The following MARCHF1 variants were observed in gnomAD, a reference collection of about 807,000 sequenced individuals.
MARCHF1 encodes E3 ubiquitin-protein ligase MARCHF1.
MARCHF1 carries 40 observed loss-of-function variants against 54.2 expected under a neutral mutation model. The ratio of observed to expected loss-of-function variants is 0.74; its 90% CI spans 0.57 to 0.96. The LOEUF (loss-of-function observed/expected upper bound fraction) is 0.96. Ranked by LOEUF, MARCHF1 falls within the 40% of genes least tolerant of loss-of-function variation. The probability of loss-of-function intolerance (pLI) is 0.00; values close to 1 mark genes in which losing one functional copy is unlikely to be tolerated. For missense variants in MARCHF1, 586 were observed against 656.5 expected, an observed-to-expected ratio of 0.89 and a Z score of 1.17; for synonymous variants, 236 against 236.3, an observed-to-expected ratio of 1.00 and a Z score of 0.01.
At position 164,079,807 on chromosome 4, in the gene MARCHF1, G is replaced by A. The variant is rs145294882; in HGVS notation, c.-248+31781C>T. Among the ~76,000 whole-genome samples the A allele has an allele frequency of 5.1e-3, 780 of 152,048 alleles. 5 individuals carry two copies. The highest frequency in any genetic ancestry group is 7.6e-3 in the Non-Finnish European group (518 of 67,962). ...TTTCACAACACACATTCTAAAAGACGTAGTTATTTGCATTTTAAGTAGCAT... is the reference window on the plus strand; with the variant it reads ...TTTCACAACACACATTCTAAAAGACATAGTTATTTGCATTTTAAGTAGCAT... On this transcript the variant is annotated intron_variant, in intron 2 of 9. Transcript: ENST00000514618.
At chr4:163,845,270 G>T (rs1487395594) in intron 4 of MARCHF1, among the ~76,000 whole-genome samples, 1 of 151,920 alleles carries the variant, frequency 6.6e-6, no homozygotes, top group East Asian at 1.9e-4. Context: ...TATTCTAACA[G>T]GTCCCATTTA....
rs577238812 is a variant in MARCHF1 at position 163,826,688 on chromosome 4, A to G, written c.111+27333T>C. On this transcript the variant is annotated intron_variant, in intron 4 of 9. Coordinates refer to ENST00000514618, the MANE Select transcript of MARCHF1 (RefSeq NM_001394959.1). ...TATATTAATTAAATGATTATAAAAT[A>G]TGATGAATGCTGTAAGGAAACAAGT... 4.3e-4 allele frequency among the ~76,000 whole-genome samples: 66 copies of G among 152,214 alleles called. 1 individual carries two copies. The highest frequency in any genetic ancestry group is 7.4e-5 in the Non-Finnish European group (5 of 67,960).
rs998478455 is a variant in MARCHF1 at position 163,527,016 on chromosome 4, G to T, written c.*1732C>A. 6.6e-6 allele frequency: 1 copy of T among 151,372 alleles called. No homozygotes were observed. The highest frequency in any genetic ancestry group is 1.5e-5 in the Non-Finnish European group (1 of 67,802). 9.4% of individuals were successfully genotyped at this position (151,372 alleles called of 1,614,324 possible). The stretch of plus-strand genomic sequence containing the variant: ...GAACAAGCACACTGATAATTACAAA[G>T]TGCATCCATGTGATACCCAGATTTG... On this transcript the variant is annotated 3_prime_UTR_variant, in exon 10 of 10. Transcript: ENST00000514618.
chr4:164,329,414 AG>A (rs748360607), intron 1 of MARCHF1, among the ~76,000 whole-genome samples: 5 of 152,222 alleles, frequency 3.3e-5, no homozygotes, highest in Non-Finnish European at 7.3e-5. Context: ...AGAAAGAAAA[AG>A]GAGAAAGAAT....
At chr4:163,545,925 G>A (rs1241547685) in intron 8 of MARCHF1, among the ~76,000 whole-genome samples, 182 bp from the exon 9 acceptor site, 1 of 151,324 alleles carries the variant, frequency 6.6e-6, no homozygotes, top group Non-Finnish European at 1.5e-5. Flanking sequence ...AACCTAGAGA[G>A]TTACATATAA....
At chr4:163,803,330 C>T (rs1042724517) in intron 4 of MARCHF1, among the ~76,000 whole-genome samples, 4 of 152,088 alleles carry the variant, frequency 2.6e-5, no homozygotes, top group Admixed American at 1.3e-4. Flanking sequence ...TGCGCCACCA[C>T]GCCTGGCTAA....
intron 2 of MARCHF1, among the ~76,000 whole-genome samples, chr4:164,069,020 G>T (rs1754794567): frequency 6.6e-6 from 1 of 152,092 alleles, no homozygotes; most frequent in Non-Finnish European, 1.5e-5. Flanking sequence ...TCTAGCTAAG[G>T]GATTGTGAAT....
intron 1 of MARCHF1, among the ~76,000 whole-genome samples, chr4:164,272,471 T>C (rs1733767095): frequency 6.6e-6 from 1 of 152,124 alleles, no homozygotes; most frequent in Non-Finnish European, 1.5e-5. Flanking sequence ...TGAATGTAAG[T>C]GTCAGCAAAA....
At chr4:164,372,119 A>G (rs1731053559) in intron 1 of MARCHF1, among the ~76,000 whole-genome samples, 1 of 152,236 alleles carries the variant, frequency 6.6e-6, no homozygotes, top group Non-Finnish European at 1.5e-5. Context: ...CACTCAAATG[A>G]TGATCAATGT....
chr4:163,997,011 T>C lies in MARCHF1; in HGVS notation c.-247-8302A>G, dbSNP rs547616509. Among the ~76,000 whole-genome samples the C allele has an allele frequency of 3.3e-5, 5 of 152,148 alleles. No homozygotes were observed. The South Asian group carries it at 1.0e-3, about 32-fold the overall frequency. On this transcript the variant is annotated intron_variant, in intron 2 of 9. Coordinates refer to ENST00000514618, the MANE Select transcript of MARCHF1 (RefSeq NM_001394959.1). ...CTTTGTTACAGCAGTCTTAGGAAAC[T>C]AAAACACTTCCACAGACAGGTCCAT...
chr4:163,671,450 T>A (rs1579180304), intron 5 of MARCHF1, among the ~76,000 whole-genome samples: 1 of 152,198 alleles, frequency 6.6e-6, no homozygotes, highest in African/African-American at 2.4e-5. Context: ...ATAATAGTTA[T>A]CCGACTTACT....
chr4:163,901,504 A>G (rs900435761), intron 3 of MARCHF1, among the ~76,000 whole-genome samples: 2 of 152,158 alleles, frequency 1.3e-5, no homozygotes, highest in Non-Finnish European at 2.9e-5. Flanking sequence ...TAGGGGTAGG[A>G]GCAGCCTTCT....
chr4:163,621,070 CATA>C lies in MARCHF1; in HGVS notation c.163-7680_163-7678del, dbSNP rs367818296. ...TAAATGTAGTCAATAATAACATCCACATAAAAGGATTGTGAGGATAATAACATG... is the reference window on the plus strand; with the variant it reads ...TAAATGTAGTCAATAATAACATCCACAAAGGATTGTGAGGATAATAACATG... On this transcript the variant is annotated intron_variant, in intron 5 of 9. Transcript: ENST00000514618. Among the ~76,000 whole-genome samples, 61 of 152,276 alleles carry C rather than the reference CATA, an allele frequency of 4.0e-4. 1 individual carries two copies. The highest frequency in any genetic ancestry group is 1.4e-3 in the African/African-American group (59 of 41,576).
chr4:164,252,811 A>G (rs1016406977), intron 1 of MARCHF1, among the ~76,000 whole-genome samples: 2 of 152,200 alleles, frequency 1.3e-5, no homozygotes, highest in South Asian at 2.1e-4. Flanking sequence ...TTATTATCAG[A>G]TAAACTCAAA....
At chr4:164,370,155 A>G (rs1387483542) in intron 1 of MARCHF1, among the ~76,000 whole-genome samples, 1 of 152,210 alleles carries the variant, frequency 6.6e-6, no homozygotes, top group East Asian at 1.9e-4. Flanking sequence ...ATTGAATTAT[A>G]AACCTAATGC....
chr4:163,745,706 T>A (rs1290285966), intron 4 of MARCHF1, among the ~76,000 whole-genome samples: 1 of 152,192 alleles, frequency 6.6e-6, no homozygotes, highest in Non-Finnish European at 1.5e-5. Flanking sequence ...GAGCTAGCAA[T>A]GTAAAAGCAA....
intron 4 of MARCHF1, among the ~76,000 whole-genome samples, chr4:163,732,775 CTT>C (rs1276573392): frequency 2.6e-5 from 4 of 152,048 alleles, no homozygotes; most frequent in Non-Finnish European, 5.9e-5. Flanking sequence ...GTAAAAATGT[CTT>C]TTAAATATTA....
chr4:163,858,936 T>C (rs1749843962), intron 3 of MARCHF1, among the ~76,000 whole-genome samples: 3 of 152,178 alleles, frequency 2.0e-5, no homozygotes, highest in Admixed American at 6.5e-5. Flanking sequence ...GTACTGCAGA[T>C]GTGTCCTGGG....
At chr4:164,145,219 T>A (rs1729644261) in intron 1 of MARCHF1, among the ~76,000 whole-genome samples, 1 of 152,120 alleles carries the variant, frequency 6.6e-6, no homozygotes, top group African/African-American at 2.4e-5. Context: ...CCAGATGGAT[T>A]CACAGCCGAA....
Sources: allele counts gnomAD v4.1 joint callset (sites outside exome capture counted in the v4.1 genomes callset), GRCh38; gene constraint gnomAD v4.1.1; transcripts MANE v1.5; gene names NCBI Gene and HGNC (gene_info 2026-07-23, HGNC 2026-07-21).